Variants in SGCZ observed in about 807,000 individuals in gnomAD.
SGCZ encodes sarcoglycan zeta.
SGCZ carries 40 observed loss-of-function variants against 41.3 expected under a neutral mutation model. The ratio of observed to expected loss-of-function variants is 0.97; its 90% CI spans 0.75 to 1.26. SGCZ has a LOEUF of 1.26. Ranked by LOEUF, SGCZ falls within the 50% of genes most tolerant of loss-of-function variation. SGCZ has a pLI of 0.00. For synonymous variants in SGCZ, 206 were observed against 137.5 expected, an observed-to-expected ratio of 1.50 and a Z score of -3.49; for missense variants, 552 against 369.8, an observed-to-expected ratio of 1.49 and a Z score of -4.04.
intron 2 of SGCZ, among the ~76,000 whole-genome samples, chr8:14,415,293 T>C (rs529080132): frequency 6.6e-6 from 1 of 151,936 alleles, no homozygotes; most frequent in African/African-American, 2.4e-5. Flanking sequence ...AAAAATTGTT[T>C]ATCACAACAG....
chr8:14,976,252 A>G (rs1199846944), intron 1 of SGCZ, among the ~76,000 whole-genome samples: 1 of 151,836 alleles, frequency 6.6e-6, no homozygotes, highest in African/African-American at 2.4e-5. Context: ...CAAACTCCTG[A>G]CCTCAAGTGA....
intron 4 of SGCZ, among the ~76,000 whole-genome samples, chr8:14,221,237 C>T (rs1048101730): frequency 6.6e-6 from 1 of 152,164 alleles, no homozygotes; most frequent in African/African-American, 2.4e-5. Flanking sequence ...TGGTTCACTT[C>T]TAGAAAAATG....
chr8:15,089,856 G>C (rs771755047), intron 1 of SGCZ, among the ~76,000 whole-genome samples: 1 of 152,162 alleles, frequency 6.6e-6, no homozygotes, highest in Non-Finnish European at 1.5e-5. Context: ...ACTGATGGAT[G>C]AACTTATTGC....
At position 14,089,332 on chromosome 8, in the gene SGCZ, T is replaced by A. The variant is rs956491387; in HGVS notation, c.*1111A>T. ...ATTAGCATTTGTCATTTTTACTGTT[T>A]AGTCAAGAAATTTTAGTTAGCTTCT... On this transcript the variant is annotated 3_prime_UTR_variant, in exon 8 of 8. Coordinates refer to ENST00000382080, the MANE Select transcript of SGCZ (RefSeq NM_139167.4). Among the ~76,000 whole-genome samples the A allele has an allele frequency of 3.9e-5, 6 of 152,016 alleles. No individual in the cohort carries two copies. Among genetic ancestry groups the A allele is most frequent in the Non-Finnish European group, 8.8e-5 (6 of 67,954 alleles).
At chr8:15,043,518 TTAGA>T (rs1804185711) in intron 1 of SGCZ, among the ~76,000 whole-genome samples, 1 of 152,112 alleles carries the variant, frequency 6.6e-6, no homozygotes, top group South Asian at 2.1e-4. Flanking sequence ...CTGAGTTAAA[TTAGA>T]TAGTGCATGC....
intron 1 of SGCZ, among the ~76,000 whole-genome samples, chr8:14,724,675 G>C (rs1022807883): frequency 1.0e-4 from 13 of 126,556 alleles, no homozygotes; most frequent in Admixed American, 2.7e-4. Flanking sequence ...AAATAAAAGA[G>C]TTATCACTAA....
At chr8:14,444,081 T>C (rs972382926) in intron 2 of SGCZ, among the ~76,000 whole-genome samples, 3 of 152,150 alleles carry the variant, frequency 2.0e-5, no homozygotes, top group African/African-American at 2.4e-5. Flanking sequence ...TCACTGGCCA[T>C]CAGAGAAATG....
chr8:15,169,088 C>T (rs925810246), intron 1 of SGCZ, among the ~76,000 whole-genome samples: 2 of 152,196 alleles, frequency 1.3e-5, no homozygotes, highest in African/African-American at 4.8e-5. Context: ...TCTAGTCATG[C>T]AACCATAGCC....
intron 1 of SGCZ, among the ~76,000 whole-genome samples, chr8:15,236,741 C>A (rs1300871281): frequency 6.6e-6 from 1 of 152,216 alleles, no homozygotes; most frequent in Non-Finnish European, 1.5e-5. Context: ...CGTTGTCACC[C>A]CGGATGCTCC....
At chr8:14,783,450 G>A (rs577137181) in intron 1 of SGCZ, among the ~76,000 whole-genome samples, 7 of 150,134 alleles carry the variant, frequency 4.7e-5, no homozygotes, top group Admixed American at 2.7e-4. Flanking sequence ...AAAAAAGAAG[G>A]AAAGAAAAGG....
chr8:14,342,672 A>C (rs141986562), intron 2 of SGCZ, among the ~76,000 whole-genome samples: 173 of 152,256 alleles, frequency 1.1e-3, no homozygotes, highest in African/African-American at 4.1e-3. Flanking sequence ...GTGCTATTAA[A>C]GGCATTCAGT....
chr8:14,557,948 G>C (rs1804083337), intron 1 of SGCZ, among the ~76,000 whole-genome samples: 1 of 152,078 alleles, frequency 6.6e-6, no homozygotes, highest in South Asian at 2.1e-4. Context: ...GAATAGCGAA[G>C]CTCCAAATAA....
chr8:14,867,558 C>T (rs1220786303), intron 1 of SGCZ, among the ~76,000 whole-genome samples: 1 of 152,132 alleles, frequency 6.6e-6, no homozygotes, highest in Non-Finnish European at 1.5e-5. Context: ...AACTAATTTA[C>T]ACTCCCACCA....
At chr8:15,109,758 G>C (rs1806974841) in intron 1 of SGCZ, among the ~76,000 whole-genome samples, 1 of 152,110 alleles carries the variant, frequency 6.6e-6, no homozygotes, top group Non-Finnish European at 1.5e-5. Flanking sequence ...ACATAGTTTT[G>C]TGAACATGTT....
At chr8:14,388,039 A>G (rs1267705566) in intron 2 of SGCZ, among the ~76,000 whole-genome samples, 4 of 152,184 alleles carry the variant, frequency 2.6e-5, no homozygotes, top group Non-Finnish European at 5.9e-5. Flanking sequence ...GTGACTGTGC[A>G]GTATGGTCTT....
chr8:14,872,868 T>C (rs1804218608), intron 1 of SGCZ, among the ~76,000 whole-genome samples: 1 of 152,172 alleles, frequency 6.6e-6, no homozygotes, highest in Non-Finnish European at 1.5e-5. Context: ...TCAAAAAATA[T>C]GATGCAATTT....
At chr8:14,943,590 T>C (rs547110331) in intron 1 of SGCZ, among the ~76,000 whole-genome samples, 1 of 152,276 alleles carries the variant, frequency 6.6e-6, no homozygotes, top group South Asian at 2.1e-4. Context: ...TTTATTTGGG[T>C]TCTGGGGTAC....
intron 3 of SGCZ, chr8:14,308,888 T>C: frequency 2.4e-6 from 1 of 424,280 alleles, no homozygotes; most frequent in Non-Finnish European, 4.2e-6. Context: ...GTCTGTTTGA[T>C]ATTCGCAAAG....
intron 1 of SGCZ, among the ~76,000 whole-genome samples, chr8:14,814,822 AACTAT>A (rs1444845886): frequency 2.0e-5 from 3 of 152,160 alleles, no homozygotes; most frequent in Non-Finnish European, 2.9e-5. Flanking sequence ...TTTTTCAGCC[AACTAT>A]GGTAATTTTA....
Sources: gnomAD v4.1 joint callset for allele counts (sites outside exome capture counted in the v4.1 genomes callset) on GRCh38, gnomAD v4.1.1 for gene constraint, MANE v1.5 for transcripts, NCBI Gene and HGNC (gene_info 2026-07-23, HGNC 2026-07-21) for gene names.